Variants in MFN1 observed in about 807,000 individuals in gnomAD.
MFN1 encodes the protein mitofusin-1.
Under a neutral mutation model 92.4 loss-of-function variants are expected in MFN1, and 65 were observed. The ratio of observed to expected loss-of-function variants is 0.70; its 90% CI spans 0.58 to 0.86. The LOEUF is 0.86. Among genes scored for constraint, MFN1 ranks in the 40% least tolerant of loss-of-function variants. The pLI is 0.00. For synonymous variants in MFN1, 297 were observed against 300.9 expected (o/e 0.99, Z 0.13); for missense variants, 781 against 868.0 (o/e 0.90, Z 1.26).
intron 8 of MFN1, 36 bp from the exon 9 acceptor site, chr3:179,368,000 A>C: frequency 2.1e-6 from 3 of 1,419,160 alleles, no homozygotes; most frequent in Non-Finnish European, 2.8e-6. Flanking sequence ...ATCTTGCTAC[A>C]TACTAGGTTT....
At chr3:179,358,766 G>T in intron 3 of MFN1, 74 bp from the exon 4 acceptor site, 1 of 1,445,792 alleles carries the variant, frequency 6.9e-7, no homozygotes, top group Non-Finnish European at 9.3e-7. Context: ...TAAAAAAGTT[G>T]ATATTAGACC....
chr3:179,384,749 G>A (rs10937002), intron 14 of MFN1, among the ~76,000 whole-genome samples: 26,306 of 151,960 alleles, frequency 0.17, 2,341 homozygotes, highest in Admixed American at 0.24. Context: ...TGTGCTGGCT[G>A]GTTTCAAACT....
Position 179,348,924 on chromosome 3 carries a change from T to G in MFN1, c.73T>G (p.Leu25Val). 6.2e-7 allele frequency: 1 copy of G among 1,604,910 alleles called. No individual in the cohort carries two copies. The change falls in exon 2 of 18, where the codon TTA (leucine) becomes GTA (valine). Residue 25 changes from leucine (L) to valine (V), a missense_variant. Physicochemically the swap from Leu to Val is conservative, Grantham distance 32 (BLOSUM62 1). Transcript: ENST00000471841. Reference protein sequence around the residue: ...KKAITAIFDQLLEFVTEGSHF... With the variant: ...KKAITAIFDQVLEFVTEGSHF... Reference sequence around the variant, plus strand: ...GGCGATTACTGCAATCTTTGACCAGTTACTGGAGTTTGTTACTGAAGGATC... The same window carrying G: ...GGCGATTACTGCAATCTTTGACCAGGTACTGGAGTTTGTTACTGAAGGATC...
intron 4 of MFN1, among the ~76,000 whole-genome samples, chr3:179,361,302 C>T (rs1250980168): frequency 3.3e-5 from 5 of 152,150 alleles, no homozygotes; most frequent in East Asian, 3.9e-4. Context: ...CCTCTTCACA[C>T]TCTTTTCCTC....
rs548419049 is a variant in MFN1 at position 179,363,376 on chromosome 3, G to A, written c.536+894G>A. Among the ~76,000 whole-genome samples the A allele has an allele frequency of 2.8e-3, 430 of 152,226 alleles. 2 individuals carry two copies. Among genetic ancestry groups the A allele is most frequent in the South Asian group, 5.6e-3 (27 of 4,818 alleles). ...GCTGAAATGACAGGTGTGAGCTGCC[G>A]TACCTGGCTGAATAACAATTTAATT... is the stretch of plus-strand genomic sequence containing the variant. On this transcript the variant is annotated intron_variant, in intron 5 of 17. Transcript: ENST00000471841.
intron 3 of MFN1, among the ~76,000 whole-genome samples, chr3:179,358,326 T>C (rs1312085754): frequency 1.3e-5 from 2 of 152,028 alleles, no homozygotes; most frequent in African/African-American, 4.8e-5. Flanking sequence ...TAATTTTTTG[T>C]ATTTTTAGTA....
intron 9 of MFN1, among the ~76,000 whole-genome samples, chr3:179,372,114 ATAT>A (rs1221749668): frequency 1.4e-5 from 2 of 147,352 alleles, no homozygotes; most frequent in South Asian, 2.1e-4. Flanking sequence ...TTATATATAA[ATAT>A]TATATATATA....
chr3:179,367,914 A>T, intron 8 of MFN1, 122 bp from the exon 9 acceptor site: 1 of 482,742 alleles, frequency 2.1e-6, no homozygotes, highest in South Asian at 9.6e-5. Context: ...ACAGAGCAAG[A>T]CTCTGTCTCG....
At chr3:179,380,778 A>G (rs1229174736) in intron 14 of MFN1, among the ~76,000 whole-genome samples, 1 of 152,226 alleles carries the variant, frequency 6.6e-6, no homozygotes, top group Non-Finnish European at 1.5e-5. Context: ...GAAAGATGCC[A>G]TAGATGCTTT....
chr3:179,377,366 A>C lies in MFN1; in HGVS notation c.1247A>C (p.Glu416Ala). ...CAGGTTTCATGTGCAATGACAGATG[A>C]AATTTGTCGACTGTCTGTTTTGGTT... ...ANKVSCAMTD[E>A]ICRLSVLVDE... The change falls in exon 12 of 18, where the codon GAA becomes GCA. Residue 416 changes from glutamate to alanine, a missense_variant. By Grantham distance (107) the Glu-to-Ala change is moderately radical. Coordinates refer to ENST00000471841, the MANE Select transcript of MFN1 (RefSeq NM_033540.3). 2 of 1,608,974 alleles carry C rather than the reference A, an allele frequency of 1.2e-6. No homozygotes were observed. Among genetic ancestry groups the C allele is most frequent in the East Asian group, 2.2e-5 (1 of 44,748 alleles).
At position 179,392,217 on chromosome 3, in the gene MFN1, A is replaced by C; in HGVS notation, c.*158A>C. ...TTCTGGTAATGATCTGTCTCAGGGT[A>C]TGTGTATTTTTGAAGAGTGTTATGT... On this transcript the variant is annotated 3_prime_UTR_variant, in exon 18 of 18. Transcript: ENST00000471841. The C allele has an allele frequency of 2.0e-6, 1 of 505,652 alleles. No homozygotes were observed. The highest frequency in any genetic ancestry group is 3.6e-6 in the Non-Finnish European group (1 of 281,086). The allele number at this position is 505,652 out of a possible 1,614,324, so 31.3% of individuals were successfully genotyped here.
chr3:179,350,289 CTT>C (rs978645284), intron 2 of MFN1, among the ~76,000 whole-genome samples: 7 of 151,898 alleles, frequency 4.6e-5, no homozygotes, highest in Admixed American at 3.3e-4. Context: ...CCAACCCTCT[CTT>C]ACCATATTTT....
intron 9 of MFN1, among the ~76,000 whole-genome samples, chr3:179,370,389 G>GTTTTTTT (rs1354406941): frequency 1.1e-4 from 11 of 96,776 alleles, no homozygotes; most frequent in African/African-American, 1.9e-4. Flanking sequence ...CATTCACTAA[G>GTTTTTTT]TTCTTTTTTT....
chr3:179,364,435 A>G (rs1289476069), intron 6 of MFN1, 30 bp downstream of exon 6: 10 of 1,453,692 alleles, frequency 6.9e-6, no homozygotes, highest in Non-Finnish European at 9.6e-6. Flanking sequence ...TTGTGTTTCG[A>G]TGGTAGGAAA....
chr3:179,380,552 C>T (rs73045118), intron 14 of MFN1, among the ~76,000 whole-genome samples: 7,907 of 152,208 alleles, frequency 0.052, 658 homozygotes, highest in African/African-American at 0.18. Context: ...GAAGCTAGGC[C>T]GGATGATGAC....
At chr3:179,350,121 C>T (rs1418246727) in intron 2 of MFN1, among the ~76,000 whole-genome samples, 4 of 151,500 alleles carry the variant, frequency 2.6e-5, no homozygotes, top group Non-Finnish European at 5.9e-5. Context: ...CACTGCACTC[C>T]AGCCTGGGTG....
At chr3:179,365,007 T>C in intron 6 of MFN1, 111 bp from the exon 7 acceptor site, 1 of 528,622 alleles carries the variant, frequency 1.9e-6, no homozygotes, top group South Asian at 4.2e-5. Context: ...GGATCCTTTG[T>C]CAGTGGTGTT....
Position 179,389,988 on chromosome 3 carries a change from A to G in MFN1, c.2013-16A>G, listed in dbSNP as rs186840962. ...TTTGAAGACATTTATGACTGCTTCT[A>G]AATTTTTATTTTAAGACAAATAGCT... On this transcript the variant is annotated splice_polypyrimidine_tract_variant and intron_variant, in intron 16 of 17. Transcript: ENST00000471841. The G allele has an allele frequency of 3.4e-4, 533 of 1,589,988 alleles. 4 individuals are homozygous for G. In the African/African-American group the frequency reaches 6.0e-3, roughly 18 times the overall value.
intron 8 of MFN1, 103 bp downstream of exon 8, chr3:179,367,695 C>T (rs1343230485): frequency 1.7e-5 from 17 of 1,009,978 alleles, no homozygotes; most frequent in Admixed American, 6.3e-5. Flanking sequence ...AAGGCTGAGG[C>T]GGGCGGATCA....
Sources: allele counts gnomAD v4.1 joint callset (sites outside exome capture counted in the v4.1 genomes callset), GRCh38; gene constraint gnomAD v4.1.1; transcripts MANE v1.5; gene names NCBI Gene and HGNC (gene_info 2026-07-23, HGNC 2026-07-21).